PCDH9: variants seen among roughly 807,000 people sequenced by gnomAD.
The protein encoded by PCDH9 is protocadherin 9.
In PCDH9, 24 loss-of-function variants were observed where a neutral mutation model predicts 70.6. That is an observed-to-expected ratio of 0.34 (90% CI 0.25 to 0.48). PCDH9 has a LOEUF of 0.48. Among genes scored for constraint, PCDH9 ranks in the 20% least tolerant of loss-of-function variants. The pLI, the probability that PCDH9 is intolerant of heterozygous loss-of-function variation, is 0.99. For missense variants in PCDH9, 1,281 were observed against 1,503.6 expected, an observed-to-expected ratio of 0.85 and a Z score of 2.45; for synonymous variants, 562 against 558.5, an observed-to-expected ratio of 1.01 and a Z score of -0.09.
intron 2 of PCDH9, among the ~76,000 whole-genome samples, chr13:67,074,583 A>T (rs2085840158): frequency 6.6e-6 from 1 of 152,168 alleles, no homozygotes; most frequent in African/African-American, 2.4e-5. Flanking sequence ...ATCCAAGAGG[A>T]TATTTACTTC....
At chr13:66,618,157 T>A (rs1468786015) in intron 4 of PCDH9, among the ~76,000 whole-genome samples, 1 of 152,158 alleles carries the variant, frequency 6.6e-6, no homozygotes, top group Non-Finnish European at 1.5e-5. Flanking sequence ...ATTTTCCTTT[T>A]CACCCAATAA....
chr13:66,535,341 T>G lies in PCDH9; in HGVS notation c.3340+95869A>C, dbSNP rs553843800. Among the ~76,000 whole-genome samples, 24 of 152,164 alleles carry G rather than the reference T, an allele frequency of 1.6e-4. 1 individual carries two copies. The South Asian group carries it at 4.8e-3, about 30-fold the overall frequency. Reference sequence around the variant, plus strand: ...TGTTCTCTTTTAACCAATATGAAATTTTTTAAAAAAAGAAACAGAGTATCA... The same window carrying G: ...TGTTCTCTTTTAACCAATATGAAATGTTTTAAAAAAAGAAACAGAGTATCA... On this transcript the variant is annotated intron_variant, in intron 4 of 4. Coordinates refer to ENST00000377865, the MANE Select transcript of PCDH9 (RefSeq NM_203487.3).
chr13:67,107,676 T>C (rs956327593), intron 2 of PCDH9, among the ~76,000 whole-genome samples: 1 of 152,226 alleles, frequency 6.6e-6, no homozygotes, highest in Admixed American at 6.5e-5. Context: ...TAGTTTTCCA[T>C]GTCCCTCATT....
At chr13:66,541,552 A>G (rs896790913) in intron 4 of PCDH9, among the ~76,000 whole-genome samples, 6 of 152,042 alleles carry the variant, frequency 3.9e-5, no homozygotes, top group Non-Finnish European at 7.4e-5. Flanking sequence ...CCTAATTTCA[A>G]TCTGTGCCTC....
At chr13:66,803,444 C>T (rs775896288) in intron 3 of PCDH9, among the ~76,000 whole-genome samples, 15 of 152,150 alleles carry the variant, frequency 9.9e-5, no homozygotes, top group Non-Finnish European at 1.9e-4. Flanking sequence ...ACACCAAAGC[C>T]TTAATGCTCC....
intron 3 of PCDH9, among the ~76,000 whole-genome samples, chr13:66,866,296 T>A (rs562578876): frequency 5.0e-4 from 76 of 151,050 alleles, no homozygotes; most frequent in African/African-American, 1.7e-3. Context: ...TCCTGGCTAA[T>A]ACGGTGAAAC....
At chr13:66,711,512 G>C (rs1360574208) in intron 3 of PCDH9, among the ~76,000 whole-genome samples, 1 of 150,670 alleles carries the variant, frequency 6.6e-6, no homozygotes, top group Non-Finnish European at 1.5e-5. Flanking sequence ...ATTGCACATC[G>C]CTATCACTAA....
At chr13:67,010,215 A>G (rs2084427278) in intron 2 of PCDH9, among the ~76,000 whole-genome samples, 1 of 152,044 alleles carries the variant, frequency 6.6e-6, no homozygotes, top group Non-Finnish European at 1.5e-5. Flanking sequence ...GTTTTAAGAT[A>G]AAACTGAACC....
At chr13:66,692,923 A>G (rs2078508895) in intron 3 of PCDH9, among the ~76,000 whole-genome samples, 1 of 152,116 alleles carries the variant, frequency 6.6e-6, no homozygotes, top group African/African-American at 2.4e-5. Flanking sequence ...GGAAAAATGT[A>G]CAAGCAAGCC....
intron 4 of PCDH9, among the ~76,000 whole-genome samples, chr13:66,514,603 T>A (rs904865250): frequency 2.6e-5 from 4 of 152,126 alleles, no homozygotes; most frequent in Non-Finnish European, 5.9e-5. Context: ...ATTTGGGAAT[T>A]CAACACCAAA....
At chr13:66,852,448 C>T (rs951734242) in intron 3 of PCDH9, among the ~76,000 whole-genome samples, 4 of 151,978 alleles carry the variant, frequency 2.6e-5, no homozygotes, top group African/African-American at 9.7e-5. Context: ...CATTTAATGA[C>T]CTAATTACCA....
chr13:67,158,224 C>T (rs2087864538), intron 2 of PCDH9, among the ~76,000 whole-genome samples: 1 of 152,152 alleles, frequency 6.6e-6, no homozygotes, highest in African/African-American at 2.4e-5. Flanking sequence ...CATATGCATC[C>T]TCATTTTGCT....
At chr13:67,163,159 A>T (rs2088010289) in intron 2 of PCDH9, among the ~76,000 whole-genome samples, 1 of 152,204 alleles carries the variant, frequency 6.6e-6, no homozygotes, top group Non-Finnish European at 1.5e-5. Context: ...AAAGGAATCA[A>T]ATATAAAGAA....
chr13:66,855,988 C>T (rs115081826), intron 3 of PCDH9, among the ~76,000 whole-genome samples: 1 of 151,794 alleles, frequency 6.6e-6, no homozygotes, highest in East Asian at 1.9e-4. Context: ...ACATGGTTTA[C>T]TAAGTTTTTT....
intron 2 of PCDH9, among the ~76,000 whole-genome samples, chr13:67,145,302 GA>G (rs1566453733): frequency 6.6e-6 from 1 of 152,020 alleles, no homozygotes; most frequent in Non-Finnish European, 1.5e-5. Context: ...GCTTGTAAAT[GA>G]AGTGTCTCTC....
At chr13:66,629,996 T>G (rs2077548721) in intron 4 of PCDH9, among the ~76,000 whole-genome samples, 1 of 152,152 alleles carries the variant, frequency 6.6e-6, no homozygotes, top group Non-Finnish European at 1.5e-5. Flanking sequence ...GTATTCCTAC[T>G]TCCACCATAG....
At chr13:66,494,468 T>C (rs569224723) in intron 4 of PCDH9, among the ~76,000 whole-genome samples, 1 of 152,246 alleles carries the variant, frequency 6.6e-6, no homozygotes, top group Non-Finnish European at 1.5e-5. Context: ...ATGATTGAAA[T>C]AGCTGTCTGA....
chr13:66,817,363 G>A (rs902241872), intron 3 of PCDH9, among the ~76,000 whole-genome samples: 1 of 152,028 alleles, frequency 6.6e-6, no homozygotes, highest in East Asian at 1.9e-4. Context: ...TTTATAAAAT[G>A]TGTTCCCTCT....
chr13:67,133,001 C>T (rs8000469), intron 2 of PCDH9, among the ~76,000 whole-genome samples: 35,200 of 151,822 alleles, frequency 0.23, 4,180 homozygotes, highest in Middle Eastern at 0.28. Flanking sequence ...CAGTATTTCA[C>T]TGATACTCCT....
Sources: gnomAD v4.1 joint callset for allele counts (sites outside exome capture counted in the v4.1 genomes callset) on GRCh38, gnomAD v4.1.1 for gene constraint, MANE v1.5 for transcripts, NCBI Gene and HGNC (gene_info 2026-07-23, HGNC 2026-07-21) for gene names.